Variants in NTNG1 observed in about 807,000 individuals in gnomAD.
NTNG1 encodes netrin-G1.
NTNG1 carries 16 observed loss-of-function variants against 54.0 expected under a neutral mutation model. The observed-to-expected ratio is 0.30, with a 90% confidence interval of 0.20 to 0.45. The LOEUF (loss-of-function observed/expected upper bound fraction) is 0.45, where lower values mean the gene tolerates loss of function less well. NTNG1 is among the 20% of genes least tolerant of loss of function. NTNG1 has a pLI of 1.00. For synonymous variants in NTNG1, 255 were observed against 263.1 expected, an observed-to-expected ratio of 0.97 and a Z score of 0.30; for missense variants, 530 against 678.7, an observed-to-expected ratio of 0.78 and a Z score of 2.43.
chr1:107,423,923 G>T (rs76561397), intron 5 of NTNG1, among the ~76,000 whole-genome samples: 1 of 151,996 alleles, frequency 6.6e-6, no homozygotes, highest in Non-Finnish European at 1.5e-5. Context: ...AAAGGAAGGG[G>T]TCTCAGGATC....
intron 7 of NTNG1, among the ~76,000 whole-genome samples, chr1:107,446,282 TGTTTAAA>T (rs1303673924): frequency 6.6e-6 from 1 of 152,024 alleles, no homozygotes; most frequent in Admixed American, 6.6e-5. Flanking sequence ...CAGTGCCGTC[TGTTTAAA>T]GGCTTTAAGA....
chr1:107,471,383 G>A (rs1677969605), intron 7 of NTNG1, among the ~76,000 whole-genome samples: 2 of 152,096 alleles, frequency 1.3e-5, no homozygotes, highest in African/African-American at 2.4e-5. Context: ...GAAAGCAAGG[G>A]CATTTTCACA....
chr1:107,310,002 C>T (rs1332444861), intron 2 of NTNG1, among the ~76,000 whole-genome samples: 1 of 152,040 alleles, frequency 6.6e-6, no homozygotes, highest in Non-Finnish European at 1.5e-5. Context: ...GGATAATACC[C>T]GACTCCTAGG....
chr1:107,164,795 T>C (rs1480119585), intron 2 of NTNG1, among the ~76,000 whole-genome samples: 2 of 152,164 alleles, frequency 1.3e-5, no homozygotes, highest in Admixed American at 6.5e-5. Flanking sequence ...CACAAAGAAA[T>C]AGCACTCAAA....
At chr1:107,439,448 T>C (rs1043730929) in intron 7 of NTNG1, among the ~76,000 whole-genome samples, 1 of 152,082 alleles carries the variant, frequency 6.6e-6, no homozygotes, top group Non-Finnish European at 1.5e-5. Context: ...AGATATGTGA[T>C]CCATCATATG....
intron 3 of NTNG1, among the ~76,000 whole-genome samples, chr1:107,372,626 T>G (rs1209585390): frequency 6.6e-6 from 1 of 152,084 alleles, no homozygotes; most frequent in African/African-American, 2.4e-5. Flanking sequence ...TCTGATGTTT[T>G]GGGGTGGAAT....
At chr1:107,268,292 G>A (rs1663887608) in intron 2 of NTNG1, among the ~76,000 whole-genome samples, 1 of 151,842 alleles carries the variant, frequency 6.6e-6, no homozygotes, top group Admixed American at 6.6e-5. Context: ...AACATGCTTG[G>A]GTCCCCACCA....
intron 2 of NTNG1, among the ~76,000 whole-genome samples, chr1:107,224,959 G>C (rs952563861): frequency 2.0e-5 from 3 of 152,054 alleles, no homozygotes; most frequent in Admixed American, 6.6e-5. Flanking sequence ...CCTTTATAAG[G>C]TTATAGTGAG....
chr1:107,480,504 A>T, intron 7 of NTNG1, 107 bp from the exon 8 acceptor site: 1 of 700,038 alleles, frequency 1.4e-6, no homozygotes, highest in Non-Finnish European at 2.4e-6. Flanking sequence ...AAAGATCGAT[A>T]GAGATTTTTT....
rs895630204 is a variant in NTNG1 at position 107,481,504 on chromosome 1, CTATAG to C, written c.*665_*669del. On this transcript the variant is annotated 3_prime_UTR_variant, in exon 8 of 8. Coordinates refer to ENST00000370068, the MANE Select transcript of NTNG1 (RefSeq NM_001113226.3). Reference sequence around the variant, plus strand: ...GCACACACCCACTATACAAGAGTGGCTATAGGAAAAAAGAAAGTGTATCTATCCTT... The same window carrying C: ...GCACACACCCACTATACAAGAGTGGCGAAAAAAGAAAGTGTATCTATCCTT... The C allele has an allele frequency of 1.3e-5, 2 of 152,650 alleles. No individual in the cohort carries two copies. Among genetic ancestry groups the C allele is most frequent in the African/African-American group, 4.8e-5 (2 of 41,544 alleles). The allele number at this position is 152,650 out of a possible 1,614,324, so 9.5% of individuals were successfully genotyped here.
At chr1:107,198,395 TTG>T (rs1658494451) in intron 2 of NTNG1, among the ~76,000 whole-genome samples, 1 of 152,124 alleles carries the variant, frequency 6.6e-6, no homozygotes, top group South Asian at 2.1e-4. Context: ...CTGTCTACTT[TTG>T]TATATGCTTG....
intron 2 of NTNG1, among the ~76,000 whole-genome samples, chr1:107,263,055 T>C (rs1663461320): frequency 6.6e-6 from 1 of 152,208 alleles, no homozygotes; most frequent in Non-Finnish European, 1.5e-5. Context: ...TGCAAACAAT[T>C]CTGATAAAAG....
chr1:107,298,697 G>A (rs977569460), intron 2 of NTNG1, among the ~76,000 whole-genome samples: 2 of 152,120 alleles, frequency 1.3e-5, no homozygotes, highest in African/African-American at 2.4e-5. Context: ...ACTTTGACAG[G>A]TGGCAGTTGT....
chr1:107,294,258 T>C lies in NTNG1; in HGVS notation c.247-30024T>C, dbSNP rs145245521. Among the ~76,000 whole-genome samples the C allele has an allele frequency of 2.7e-3, 406 of 152,312 alleles. 1 individual carries two copies. The highest frequency in any genetic ancestry group is 9.6e-3 in the African/African-American group (397 of 41,564). On this transcript the variant is annotated intron_variant, in intron 2 of 7. Coordinates refer to ENST00000370068, the MANE Select transcript of NTNG1 (RefSeq NM_001113226.3). ...AAGACTGAGGTGAGATATAAGTGCT[T>C]GAATTTTTAATAAAGACTCCACCTG... is the stretch of plus-strand genomic sequence containing the variant.
intron 2 of NTNG1, among the ~76,000 whole-genome samples, chr1:107,249,184 T>TAATA (rs1662411310): frequency 1.1e-5 from 1 of 94,422 alleles, no homozygotes; most frequent in Non-Finnish European, 2.7e-5. Context: ...TAATAATAAT[T>TAATA]TAAAAGTTAG....
At chr1:107,346,410 C>T (rs1487723107) in intron 3 of NTNG1, among the ~76,000 whole-genome samples, 1 of 152,128 alleles carries the variant, frequency 6.6e-6, no homozygotes, top group South Asian at 2.1e-4. Flanking sequence ...TGGGAACTTA[C>T]CAGATAACTG....
At chr1:107,197,266 A>G (rs148479671) in intron 2 of NTNG1, among the ~76,000 whole-genome samples, 1 of 151,934 alleles carries the variant, frequency 6.6e-6, no homozygotes, top group Admixed American at 6.6e-5. Context: ...GAAACTAGGT[A>G]GGTCTCTGCT....
intron 2 of NTNG1, among the ~76,000 whole-genome samples, chr1:107,321,919 G>T (rs1667681653): frequency 6.6e-6 from 1 of 152,044 alleles, no homozygotes; most frequent in Non-Finnish European, 1.5e-5. Context: ...TTTATTATGT[G>T]ACCTTGGACA....
chr1:107,170,722 A>T (rs1186086136), intron 2 of NTNG1, among the ~76,000 whole-genome samples: 1 of 152,116 alleles, frequency 6.6e-6, no homozygotes, highest in Non-Finnish European at 1.5e-5. Flanking sequence ...AGGGGGAAAA[A>T]AAAGAATAAA....
Sources: allele counts gnomAD v4.1 joint callset (sites outside exome capture counted in the v4.1 genomes callset), GRCh38; gene constraint gnomAD v4.1.1; transcripts MANE v1.5; gene names NCBI Gene and HGNC (gene_info 2026-07-23, HGNC 2026-07-21).